Variants in GRM4 observed in about 807,000 individuals in gnomAD.
The protein encoded by GRM4 is metabotropic glutamate receptor 4.
In GRM4, 28 loss-of-function variants were observed where a neutral mutation model predicts 81.7. The ratio of observed to expected loss-of-function variants is 0.34; its 90% CI spans 0.25 to 0.47. The LOEUF is 0.47. Ranked by LOEUF, GRM4 falls within the 20% of genes least tolerant of loss-of-function variation. The pLI is 1.00. For synonymous variants in GRM4, 488 were observed against 528.8 expected (o/e 0.92, Z 1.06); for missense variants, 948 against 1,290.0 (o/e 0.73, Z 4.06).
At position 34,040,208 on chromosome 6, in the gene GRM4, A is replaced by G. The variant is rs1764930469; in HGVS notation, c.1476T>C (p.Ile492=). ...GGTGCAGGTGGTCAGTCCAGGAGCC[A>G]ATGACCTTGTACTCGGCAGAATCGT... ...LRNDSAEYKV[I]GSWTDHLHLR... The change falls in exon 8 of 11, where the codon ATT becomes ATC. Residue 492 remains isoleucine, a synonymous_variant. Transcript: ENST00000538487. The G allele has an allele frequency of 2.5e-6, 4 of 1,613,996 alleles. No homozygotes were observed. The South Asian group carries it at 4.4e-5, about 18-fold the overall frequency.
intron 3 of GRM4, among the ~76,000 whole-genome samples, chr6:34,082,620 A>T (rs1767663403): frequency 6.6e-6 from 1 of 152,238 alleles, no homozygotes. Flanking sequence ...CTCCCAGCCC[A>T]GGGCCCGCTG....
rs1581583152 is a variant in GRM4, at chr6:34,028,290, G to T, written c.2519C>A (p.Pro840His). ...GTGGAAGAGGATGATGTAGACTTTG[G>T]GCATGTAGAGCATTCCCAGGGACAC... ...ASVSLGMLYMPKVYIILFHPE... is the reference protein window; with the variant it reads ...ASVSLGMLYMHKVYIILFHPE... The change falls in exon 10 of 11, where the codon CCC becomes CAC. Residue 840 changes from proline (P) to histidine (H), a missense_variant. Physicochemically the swap from Pro to His is moderately conservative, Grantham distance 77. Transcript: ENST00000538487. The T allele has an allele frequency of 6.2e-7, 1 of 1,613,882 alleles. No individual in the cohort carries two copies. The highest frequency in any genetic ancestry group is 8.5e-7 in the Non-Finnish European group (1 of 1,179,998).
intron 1 of GRM4, among the ~76,000 whole-genome samples, chr6:34,145,335 GGCAAGCGA>G (rs915254266): frequency 2.0e-5 from 3 of 152,048 alleles, no homozygotes; most frequent in African/African-American, 7.2e-5. Flanking sequence ...CTGCTGCTCC[GGCAAGCGA>G]GCAAGCGAGA....
chr6:34,079,916 G>A (rs1336495227), intron 3 of GRM4, among the ~76,000 whole-genome samples: 2 of 152,206 alleles, frequency 1.3e-5, no homozygotes, highest in Non-Finnish European at 2.9e-5. Flanking sequence ...CTGCACAACA[G>A]CCAGAGGGAT....
chr6:34,052,406 G>A, intron 6 of GRM4, among the ~76,000 whole-genome samples: 1 of 152,196 alleles, frequency 6.6e-6, no homozygotes, highest in Non-Finnish European at 1.5e-5. Context: ...AGCATTGAAG[G>A]ATGAATGAAA....
In GRM4 at chr6:34,036,469, C is replaced by T; in HGVS notation, c.1641G>A (p.Gly547=). The T allele has an allele frequency of 6.2e-7, 1 of 1,613,536 alleles. No individual in the cohort carries two copies. Among genetic ancestry groups the T allele is most frequent in the Middle Eastern group, 1.6e-4 (1 of 6,062 alleles). The change falls in exon 9 of 11, where the codon GGG becomes GGA. Residue 547 remains glycine, a synonymous_variant. Transcript: ENST00000538487. The surrounding 1 kb of genome is among the most constrained non-coding windows in gnomAD (Gnocchi z 9.0). The stretch of plus-strand genomic sequence containing the variant: ...TGTAGCGGTCCACCTGGTACTGGTA[C>T]CCTGTGCAAGGCTCGCAGTGCCAGC... The part of the protein sequence containing the change: ...PCCWHCEPCT[G]YQYQVDRYTC...
chr6:34,070,224 T>C lies in GRM4; in HGVS notation c.737-8196A>G, dbSNP rs1301466566. Among the ~76,000 whole-genome samples, 2 of 152,154 alleles carry C rather than the reference T, an allele frequency of 1.3e-5. No homozygotes were observed. Among genetic ancestry groups the C allele is most frequent in the Non-Finnish European group, 2.9e-5 (2 of 68,014 alleles). On this transcript the variant is annotated intron_variant, in intron 3 of 10. Transcript: ENST00000538487. This position sits in a 1 kb window ranked among gnomAD's most constrained non-coding sequence, Gnocchi z 4.6. Reference sequence around the variant, plus strand: ...GGACACCCCATTTGAGCCTGGCATCTACTTTGCTCTGGTCCACAGTGATAC... The same window carrying C: ...GGACACCCCATTTGAGCCTGGCATCCACTTTGCTCTGGTCCACAGTGATAC...
chr6:34,138,366 C>T (rs976021301), intron 1 of GRM4, among the ~76,000 whole-genome samples: 9 of 152,358 alleles, frequency 5.9e-5, no homozygotes, highest in African/African-American at 2.2e-4. Flanking sequence ...TCACCTTTGT[C>T]TCTGCAGGGC....
rs540440706 is a variant in GRM4 at position 34,064,589 on chromosome 6, C to T, written c.737-2561G>A. ...TGCCCCCAGGATGAGAAACCAAGTGCCCGTGGGTTCCCTCTGTTTCACAGC... is the reference window on the plus strand; with the variant it reads ...TGCCCCCAGGATGAGAAACCAAGTGTCCGTGGGTTCCCTCTGTTTCACAGC... On this transcript the variant is annotated intron_variant, in intron 3 of 10. Transcript: ENST00000538487. The surrounding 1 kb of genome is among the most constrained non-coding windows in gnomAD (Gnocchi z 4.4). Among the ~76,000 whole-genome samples, 49 of 152,322 alleles carry T rather than the reference C, an allele frequency of 3.2e-4. No homozygotes were observed. Among genetic ancestry groups the T allele is most frequent in the African/African-American group, 1.1e-3 (47 of 41,582 alleles).
chr6:34,061,993 G>T lies in GRM4; in HGVS notation c.772C>A (p.Arg258=), dbSNP rs572550212. Residue 258 remains arginine (R), a synonymous_variant, in exon 4 of 11, where the codon CGG becomes AGG. Transcript: ENST00000538487. ...TCGAACTCGCCTGCCTTGGGCTCCC[G>T]TGGTATCTTCACCGACTGGGCGATG... ...VCIAQSVKIP[R]EPKAGEFDKI... The T allele has an allele frequency of 4.3e-6, 7 of 1,613,622 alleles. No homozygotes were observed. The highest frequency in any genetic ancestry group is 5.9e-6 in the Non-Finnish European group (7 of 1,179,690).
intron 1 of GRM4, among the ~76,000 whole-genome samples, chr6:34,154,022 T>C (rs7744682): frequency 0.035 from 5,399 of 152,236 alleles, 218 homozygotes; most frequent in African/African-American, 0.097. Flanking sequence ...TGGGACTGTC[T>C]GTGGGTGCGG....
rs190002019 is a variant in GRM4 at position 34,099,122 on chromosome 6, G to A, written c.520-7023C>T. Among the ~76,000 whole-genome samples, 947 of 152,316 alleles carry A rather than the reference G, an allele frequency of 6.2e-3. 7 individuals carry two copies. Among genetic ancestry groups the A allele is most frequent in the Non-Finnish European group, 9.5e-3 (644 of 68,014 alleles). On this transcript the variant is annotated intron_variant, in intron 2 of 10. Transcript: ENST00000538487. ...ACAAAGATTTCCCCCAACCTCCCAT[G>A]GGCAAGGGAAGAGCCACAGGGTGAG...
chr6:34,155,230 CG>C lies in GRM4; in HGVS notation c.160del (p.Arg54GlyfsTer17). On this transcript the variant is annotated frameshift_variant, in exon 1 of 9. Coordinates refer to the GRM4 transcript ENST00000374177. LOFTEE classifies it high-confidence loss of function. ...GCCTCTTGTGCGCACCCACACACAC[CG>C]GCAAAATCCAAAGGACCTGGGCGGG... 1 of 1,535,486 alleles carries C rather than the reference CG, an allele frequency of 6.5e-7. No homozygotes were observed. Among genetic ancestry groups the C allele is most frequent in the Non-Finnish European group, 8.7e-7 (1 of 1,146,624 alleles).
At chr6:34,026,637 T>C (rs553818563) in intron 10 of GRM4, among the ~76,000 whole-genome samples, 1 of 150,406 alleles carries the variant, frequency 6.6e-6, no homozygotes, top group East Asian at 2.0e-4. Context: ...CTGGCAGGAG[T>C]GGGTAATTGT....
intron 2 of GRM4, among the ~76,000 whole-genome samples, chr6:34,099,835 ACTGT>A (rs1422896515): frequency 7.2e-5 from 11 of 151,978 alleles, no homozygotes; most frequent in Non-Finnish European, 1.6e-4. Flanking sequence ...AGATCGGGAG[ACTGT>A]CTGTCCTTGC....
intron 2 of GRM4, among the ~76,000 whole-genome samples, chr6:34,127,708 C>T (rs1052171542): frequency 1.3e-5 from 2 of 152,098 alleles, no homozygotes; most frequent in African/African-American, 4.8e-5. Context: ...AGTTGTCATG[C>T]CCAGGACAAG....
At chr6:34,119,856 G>A (rs932245704) in intron 2 of GRM4, among the ~76,000 whole-genome samples, 2 of 152,140 alleles carry the variant, frequency 1.3e-5, no homozygotes, top group Non-Finnish European at 2.9e-5. Context: ...GGCAGAATGC[G>A]GGAGCCATAT....
intron 1 of GRM4, 43 bp downstream of exon 1, chr6:34,145,957 G>GCC (rs528806864): frequency 3.1e-6 from 3 of 973,316 alleles, no homozygotes; most frequent in Non-Finnish European, 2.4e-6. Flanking sequence ...TCTTCCGGAA[G>GCC]CCCCCCCCTT....
At position 34,111,451 on chromosome 6, in the gene GRM4, T is replaced by A. The variant is rs975475234; in HGVS notation, c.520-19352A>T. The stretch of plus-strand genomic sequence containing the variant: ...AGAGTCAGCACTGGTGGAGGCAGCA[T>A]TAACAGTGTATTTTGGGGAGCACAA... On this transcript the variant is annotated intron_variant, in intron 2 of 10. Transcript: ENST00000538487. This position sits in a 1 kb window ranked among gnomAD's most constrained non-coding sequence, Gnocchi z 5.1. 2.0e-5 allele frequency among the ~76,000 whole-genome samples: 3 copies of A among 151,974 alleles called. No homozygotes were observed. The highest frequency in any genetic ancestry group is 4.4e-5 in the Non-Finnish European group (3 of 67,984).
Sources: allele counts gnomAD v4.1 joint callset (sites outside exome capture counted in the v4.1 genomes callset), GRCh38; gene constraint gnomAD v4.1.1; non-coding constraint Gnocchi (gnomAD v3.1); transcripts MANE v1.5; gene names NCBI Gene and HGNC (gene_info 2026-07-23, HGNC 2026-07-21).